The following THRB variants were observed in gnomAD, a reference collection of about 807,000 sequenced individuals.
The protein encoded by THRB is nuclear receptor subfamily 1 group A member 2.
A neutral mutation model predicts 47.8 loss-of-function variants in THRB; 12 were observed. The observed-to-expected ratio is 0.25, with a 90% CI of 0.16 to 0.41. The LOEUF is 0.41. Ranked by LOEUF, THRB falls within the 10% of genes least tolerant of loss-of-function variation. The probability of loss-of-function intolerance (pLI) is 1.00; values close to 1 mark genes in which losing one functional copy is unlikely to be tolerated. For missense variants in THRB, 348 were observed against 589.2 expected (o/e 0.59, Z 4.24); for synonymous variants, 218 against 212.2 (o/e 1.03, Z -0.24).
chr3:24,121,138 T>C lies in THRB; in HGVS notation c.*1746A>G, dbSNP rs2031611499. 1.3e-5 allele frequency: 2 copies of C among 152,210 alleles called. No individual in the cohort carries two copies. The highest frequency in any genetic ancestry group is 2.9e-5 in the Non-Finnish European group (2 of 68,032). The allele number at this position is 152,210 out of a possible 1,614,324, so 9.4% of individuals were successfully genotyped here. The stretch of plus-strand genomic sequence containing the variant: ...AAAATAATTAAAGGAACCAGATTTT[T>C]TTTTTCCCCTTGAAATTCAGACAAT... On this transcript the variant is annotated 3_prime_UTR_variant, in exon 11 of 11. Transcript: ENST00000646209.
intron 2 of THRB, among the ~76,000 whole-genome samples, chr3:24,306,458 C>T (rs1576702326): frequency 2.0e-5 from 3 of 152,126 alleles, no homozygotes; most frequent in African/African-American, 7.2e-5. Context: ...TATAGATTCC[C>T]TGAAAGCAGG....
At chr3:24,407,732 C>T (rs2067945508) in intron 1 of THRB, among the ~76,000 whole-genome samples, 1 of 151,770 alleles carries the variant, frequency 6.6e-6, no homozygotes, top group Non-Finnish European at 1.5e-5. Context: ...TTGTAACTTC[C>T]TAGCATGGTA....
chr3:24,216,429 C>T (rs2046567804), intron 4 of THRB, among the ~76,000 whole-genome samples: 1 of 152,116 alleles, frequency 6.6e-6, no homozygotes, highest in Non-Finnish European at 1.5e-5. Context: ...CATGGTGAAA[C>T]CCTGTCTCTA....
At position 24,280,365 on chromosome 3, in the gene THRB, C is replaced by A. The variant is rs543067505; in HGVS notation, c.-43+16861G>T. 1.1e-4 allele frequency among the ~76,000 whole-genome samples: 16 copies of A among 152,286 alleles called. No homozygotes were observed. In the South Asian group the frequency reaches 2.7e-3, roughly 26 times the overall value. ...ATGGCCAGGTACTCCAACAGACCTG[C>A]AGCTGAGGGTCCTCTCTGTTAGAAG... On this transcript the variant is annotated intron_variant, in intron 3 of 10. Coordinates refer to ENST00000646209, the MANE Select transcript of THRB (RefSeq NM_001354712.2).
intron 4 of THRB, among the ~76,000 whole-genome samples, chr3:24,212,595 A>AAAAG (rs1559618676): frequency 3.8e-4 from 57 of 150,386 alleles, no homozygotes; most frequent in Non-Finnish European, 6.4e-4. Flanking sequence ...AAAAAAAAAA[A>AAAAG]AAAGAAAGAA....
rs1158800013 is a variant in THRB, at chr3:24,297,318, A to G, written c.-135T>C. 6 of 152,232 alleles carry G rather than the reference A, an allele frequency of 3.9e-5. No individual in the cohort carries two copies. The highest frequency in any genetic ancestry group is 8.8e-5 in the Non-Finnish European group (6 of 68,040). 9.4% of individuals were successfully genotyped at this position (152,232 alleles called of 1,614,324 possible). ...TTCTGCATTTCCTCTTCCTACAGTGAAGTCACTGGGGGCAGATGAAATATA... is the reference window on the plus strand; with the variant it reads ...TTCTGCATTTCCTCTTCCTACAGTGGAGTCACTGGGGGCAGATGAAATATA... On this transcript the variant is annotated 5_prime_UTR_variant, in exon 3 of 11. Coordinates refer to ENST00000646209, the MANE Select transcript of THRB (RefSeq NM_001354712.2).
intron 10 of THRB, among the ~76,000 whole-genome samples, chr3:24,126,733 G>A (rs1432899096): frequency 6.6e-6 from 1 of 152,228 alleles, no homozygotes; most frequent in Non-Finnish European, 1.5e-5. Context: ...ATGTGTAGTG[G>A]CTTACAGACG....
intron 1 of THRB, among the ~76,000 whole-genome samples, chr3:24,399,768 G>A (rs2067255857): frequency 6.6e-6 from 1 of 151,974 alleles, no homozygotes. Context: ...CTTGTCTAAG[G>A]TCACGCATTG....
At chr3:24,464,024 A>G (rs2073922633) in intron 1 of THRB, among the ~76,000 whole-genome samples, 1 of 152,180 alleles carries the variant, frequency 6.6e-6, no homozygotes, top group Non-Finnish European at 1.5e-5. Flanking sequence ...AGGTGGGCGG[A>G]TCACGAGGTC....
intron 1 of THRB, among the ~76,000 whole-genome samples, chr3:24,436,066 C>G (rs1403561369): frequency 6.6e-6 from 1 of 151,936 alleles, no homozygotes; most frequent in East Asian, 1.9e-4. Context: ...CAGGGTGAGT[C>G]AGAAAACAAT....
intron 1 of THRB, among the ~76,000 whole-genome samples, chr3:24,479,233 C>T (rs1232497296): frequency 2.0e-5 from 3 of 152,124 alleles, no homozygotes; most frequent in East Asian, 1.9e-4. Context: ...ACCTGGGAGG[C>T]GGGGCTAGCA....
intron 1 of THRB, among the ~76,000 whole-genome samples, chr3:24,353,733 T>A (rs752919753): frequency 3.3e-5 from 5 of 152,144 alleles, no homozygotes; most frequent in Non-Finnish European, 7.4e-5. Context: ...AAAACTCCTA[T>A]AAAACTTTGT....
intron 1 of THRB, among the ~76,000 whole-genome samples, chr3:24,361,189 A>G (rs958395069): frequency 6.6e-6 from 1 of 152,172 alleles, no homozygotes; most frequent in African/African-American, 2.4e-5. Context: ...ATGAGCATAC[A>G]CTTGTAAAGG....
At position 24,169,239 on chromosome 3, in the gene THRB, C is replaced by T. The variant is rs149182338; in HGVS notation, c.284-16749G>A. 1.4e-4 allele frequency among the ~76,000 whole-genome samples: 22 copies of T among 152,204 alleles called. No individual in the cohort carries two copies. In the East Asian group the frequency reaches 3.3e-3, roughly 23 times the overall value. On this transcript the variant is annotated intron_variant, in intron 5 of 10. Coordinates refer to ENST00000646209, the MANE Select transcript of THRB (RefSeq NM_001354712.2). The stretch of plus-strand genomic sequence containing the variant: ...GTCTGTGTGACTAACTTCTGGCCAA[C>T]GAGATGTAATAGAAGAAGTGTTGCA...
chr3:24,195,775 T>C (rs892427633), intron 4 of THRB, among the ~76,000 whole-genome samples: 1 of 152,194 alleles, frequency 6.6e-6, no homozygotes, highest in Non-Finnish European at 1.5e-5. Context: ...CACAGCAGCA[T>C]CTTGCAGAAG....
intron 1 of THRB, among the ~76,000 whole-genome samples, chr3:24,437,111 T>C (rs7619134): frequency 0.31 from 45,277 of 147,022 alleles, 7,253 homozygotes; most frequent in Admixed American, 0.35. Context: ...TATATATATA[T>C]ACATACATAT....
intron 5 of THRB, among the ~76,000 whole-genome samples, chr3:24,185,715 C>A (rs1359524294): frequency 6.6e-6 from 1 of 152,124 alleles, no homozygotes; most frequent in Non-Finnish European, 1.5e-5. Context: ...AGTGTAAAGG[C>A]CTGACTGCCT....
intron 2 of THRB, among the ~76,000 whole-genome samples, chr3:24,329,671 T>G (rs2061793771): frequency 6.6e-6 from 1 of 152,204 alleles, no homozygotes; most frequent in Non-Finnish European, 1.5e-5. Context: ...TCTTTATACA[T>G]CCATGCACAA....
chr3:24,363,568 TAGA>T (rs2064228221), intron 1 of THRB, among the ~76,000 whole-genome samples: 1 of 152,126 alleles, frequency 6.6e-6, no homozygotes, highest in African/African-American at 2.4e-5. Context: ...GCTCAAGGGA[TAGA>T]AGATTAAAAT....
Sources: gnomAD v4.1 joint callset for allele counts (sites outside exome capture counted in the v4.1 genomes callset) on GRCh38, gnomAD v4.1.1 for gene constraint, MANE v1.5 for transcripts, NCBI Gene and HGNC (gene_info 2026-07-23, HGNC 2026-07-21) for gene names.